Variants in TRABD2B observed in about 807,000 individuals in gnomAD.
The protein encoded by TRABD2B is TraB domain containing 2B, also known as metalloprotease TIKI2.
TRABD2B carries 14 observed loss-of-function variants against 40.1 expected under a neutral mutation model. That is an observed-to-expected ratio of 0.35 (90% CI 0.23 to 0.55). The LOEUF is 0.55. Among genes scored for constraint, TRABD2B ranks in the 20% least tolerant of loss-of-function variants. TRABD2B has a pLI of 0.90. For synonymous variants in TRABD2B, 263 were observed against 277.0 expected (o/e 0.95, Z 0.50); for missense variants, 541 against 648.6 (o/e 0.83, Z 1.80).
chr1:47,840,866 G>A (rs1645387248), intron 2 of TRABD2B, among the ~76,000 whole-genome samples: 1 of 152,170 alleles, frequency 6.6e-6, no homozygotes, highest in Non-Finnish European at 1.5e-5. Flanking sequence ...CTCTGTGGCT[G>A]TAGCTCACCT....
chr1:47,863,372 T>TTATATAGATATATATATATATATA (rs1644004476), intron 2 of TRABD2B, among the ~76,000 whole-genome samples: 1 of 66,496 alleles, frequency 1.5e-5, no homozygotes, highest in Non-Finnish European at 3.2e-5. Context: ...CTATATAATT[T>TTATATAGATATATATATATATATA]TATATATATA....
intron 2 of TRABD2B, among the ~76,000 whole-genome samples, chr1:47,894,760 A>G (rs1021126495): frequency 6.6e-6 from 1 of 152,176 alleles, no homozygotes; most frequent in Non-Finnish European, 1.5e-5. Context: ...AGTGAAGAAT[A>G]GGGACAGGGA....
intron 2 of TRABD2B, among the ~76,000 whole-genome samples, chr1:47,820,803 C>T (rs1221860861): frequency 6.6e-6 from 1 of 151,938 alleles, no homozygotes; most frequent in Non-Finnish European, 1.5e-5. Flanking sequence ...CACACACACA[C>T]ACACACACAC....
chr1:47,988,421 A>C (rs755509177), intron 2 of TRABD2B, among the ~76,000 whole-genome samples: 24 of 152,300 alleles, frequency 1.6e-4, no homozygotes, highest in Non-Finnish European at 3.1e-4. Context: ...CAGACCCTTC[A>C]CTGGCACAAC....
At chr1:47,960,146 C>G (rs1645489487) in intron 2 of TRABD2B, among the ~76,000 whole-genome samples, 1 of 152,120 alleles carries the variant, frequency 6.6e-6, no homozygotes, top group African/African-American at 2.4e-5. Context: ...CAGAAAAGGC[C>G]TTCAACAAAA....
intron 2 of TRABD2B, among the ~76,000 whole-genome samples, chr1:47,833,792 C>A (rs1281736345): frequency 6.6e-6 from 1 of 152,200 alleles, no homozygotes; most frequent in African/African-American, 2.4e-5. Flanking sequence ...TATCAGTGAA[C>A]CATTTGGTGG....
At chr1:47,938,459 T>C (rs1177399717) in intron 2 of TRABD2B, among the ~76,000 whole-genome samples, 2 of 152,194 alleles carry the variant, frequency 1.3e-5, no homozygotes, top group South Asian at 2.1e-4. Flanking sequence ...TAGTGGTGGA[T>C]AGGGAGGTAG....
chr1:47,840,011 T>C (rs922123751), intron 2 of TRABD2B, among the ~76,000 whole-genome samples: 1 of 152,128 alleles, frequency 6.6e-6, no homozygotes, highest in Admixed American at 6.5e-5. Context: ...AAACTGTGAG[T>C]TCCTGGAGAG....
chr1:47,765,981 G>A lies in TRABD2B; in HGVS notation c.1475C>T (p.Ala492Val), dbSNP rs1319165925. 1.4e-6 allele frequency: 1 copy of A among 702,128 alleles called. No individual in the cohort carries two copies. Among genetic ancestry groups the A allele is most frequent in the African/African-American group, 1.7e-5 (1 of 57,256 alleles). The allele number at this position is 702,128 out of a possible 1,614,324, so 43.5% of individuals were successfully genotyped here. The change falls in exon 7 of 7, where the codon GCA becomes GTA. Residue 492 changes from alanine (A) to valine (V), a missense_variant. Transcript: ENST00000606738. ...QDPPGPASSS[A>V]PTLGLLPAIA... ...GGCGGGGAGAAGGCCCAGGGTGGGTGCCGAGCTGCTGGCGGGCCCTGGCGG... is the reference window on the plus strand; with the variant it reads ...GGCGGGGAGAAGGCCCAGGGTGGGTACCGAGCTGCTGGCGGGCCCTGGCGG...
intron 2 of TRABD2B, among the ~76,000 whole-genome samples, chr1:47,838,713 G>A (rs372076128): frequency 1.3e-5 from 2 of 152,190 alleles, no homozygotes; most frequent in Non-Finnish European, 2.9e-5. Flanking sequence ...CATGGCTATC[G>A]ACTGATGCAG....
intron 3 of TRABD2B, among the ~76,000 whole-genome samples, chr1:47,796,044 T>C (rs960888599): frequency 3.9e-5 from 6 of 152,200 alleles, no homozygotes; most frequent in African/African-American, 1.4e-4. Flanking sequence ...CCAGATTCCT[T>C]GAACCTTGAA....
chr1:47,804,377 G>A (rs188099705), intron 2 of TRABD2B, among the ~76,000 whole-genome samples: 25 of 152,224 alleles, frequency 1.6e-4, no homozygotes, highest in Admixed American at 4.6e-4. Flanking sequence ...CACATGCCTC[G>A]GATGAAAGTG....
At chr1:47,877,951 T>C (rs115544246) in intron 2 of TRABD2B, among the ~76,000 whole-genome samples, 3 of 148,076 alleles carry the variant, frequency 2.0e-5, no homozygotes, top group Admixed American at 1.4e-4. Context: ...CCCAAGAACA[T>C]GCACTCCAGC....
intron 2 of TRABD2B, among the ~76,000 whole-genome samples, chr1:47,893,219 A>G (rs1644473429): frequency 1.3e-5 from 2 of 152,162 alleles, no homozygotes; most frequent in Admixed American, 1.3e-4. Context: ...AGTTGATTAT[A>G]TATAGTTTTC....
chr1:47,978,071 C>T lies in TRABD2B; in HGVS notation c.666+15963G>A, dbSNP rs1228128167. On this transcript the variant is annotated intron_variant, in intron 2 of 6. Transcript: ENST00000606738. ...TCCCTCCCCAACCCCCAAATTTATACGTTGAAACCTAATCCCCAATGTGAC... is the reference window on the plus strand; with the variant it reads ...TCCCTCCCCAACCCCCAAATTTATATGTTGAAACCTAATCCCCAATGTGAC... 2.0e-5 allele frequency among the ~76,000 whole-genome samples: 3 copies of T among 152,064 alleles called. No homozygotes were observed. In the South Asian group the frequency reaches 6.2e-4, roughly 32 times the overall value.
At chr1:47,800,652 C>A (rs1644810486) in intron 3 of TRABD2B, among the ~76,000 whole-genome samples, 2 of 152,134 alleles carry the variant, frequency 1.3e-5, no homozygotes, top group African/African-American at 2.4e-5. Flanking sequence ...CTTGAATGAA[C>A]GGGTATTCAA....
At chr1:47,896,792 G>A (rs1644528608) in intron 2 of TRABD2B, among the ~76,000 whole-genome samples, 1 of 152,214 alleles carries the variant, frequency 6.6e-6, no homozygotes, top group South Asian at 2.1e-4. Flanking sequence ...CTTGGCATCA[G>A]TTTCCTCATC....
chr1:47,928,008 G>A (rs1319951541), intron 2 of TRABD2B, among the ~76,000 whole-genome samples: 1 of 152,126 alleles, frequency 6.6e-6, no homozygotes, highest in African/African-American at 2.4e-5. Context: ...TGACTCTTGG[G>A]CCCTACACTA....
At chr1:47,865,850 C>T (rs7536189) in intron 2 of TRABD2B, among the ~76,000 whole-genome samples, 104,118 of 151,662 alleles carry the variant, frequency 0.69, 35,967 homozygotes, top group East Asian at 0.83. Context: ...AGGATGTTAC[C>T]ATGCACTCAG....
Sources: gnomAD v4.1 joint callset for allele counts (sites outside exome capture counted in the v4.1 genomes callset) on GRCh38, gnomAD v4.1.1 for gene constraint, MANE v1.5 for transcripts, NCBI Gene and HGNC (gene_info 2026-07-23, HGNC 2026-07-21) for gene names.